PDE1A: variants seen among roughly 807,000 people sequenced by gnomAD.
PDE1A encodes the protein dual specificity calcium/calmodulin-dependent 3',5'-cyclic nucleotide phosphodiesterase 1A.
A neutral mutation model predicts 61.7 loss-of-function variants in PDE1A; 35 were observed. The ratio of observed to expected loss-of-function variants is 0.57; its 90% CI spans 0.43 to 0.75. The LOEUF is 0.75. Among genes scored for constraint, PDE1A ranks in the 30% least tolerant of loss-of-function variants. The probability of loss-of-function intolerance (pLI) is 0.00; values close to 1 mark genes in which losing one functional copy is unlikely to be tolerated. For missense variants in PDE1A, 597 were observed against 630.6 expected (o/e 0.95, Z 0.57); for synonymous variants, 232 against 213.2 (o/e 1.09, Z -0.77).
chr2:182,468,032 C>T (rs902276131), intron 2 of PDE1A, among the ~76,000 whole-genome samples: 2 of 151,982 alleles, frequency 1.3e-5, no homozygotes, highest in Admixed American at 1.3e-4. Context: ...TCTGAGTCTT[C>T]AGAATCATAC....
chr2:182,565,118 G>A, the PDE1A span, among the ~76,000 whole-genome samples: 1 of 152,198 alleles, frequency 6.6e-6, no homozygotes, highest in Admixed American at 6.5e-5. Flanking sequence ...CTTTGGAGGA[G>A]GAGAGGCGCT....
chr2:182,468,843 T>C (rs1374285604), intron 2 of PDE1A, among the ~76,000 whole-genome samples: 1 of 152,016 alleles, frequency 6.6e-6, no homozygotes, highest in Non-Finnish European at 1.5e-5. Flanking sequence ...ATTAATCTCC[T>C]TTTACATCAC....
intron 2 of PDE1A, among the ~76,000 whole-genome samples, chr2:182,495,112 T>C (rs114823560): frequency 6.9e-4 from 105 of 152,282 alleles, no homozygotes; most frequent in African/African-American, 2.4e-3. Flanking sequence ...CTTTCTAAGG[T>C]GCACGTGGCC....
chr2:182,150,668 T>A (rs1162805957), intron 13 of PDE1A, among the ~76,000 whole-genome samples: 1 of 152,174 alleles, frequency 6.6e-6, no homozygotes, highest in Non-Finnish European at 1.5e-5. Context: ...TGATAGAAAT[T>A]TTATGGGTTT....
At chr2:182,692,692 A>G in the PDE1A span, among the ~76,000 whole-genome samples, 1 of 148,190 alleles carries the variant, frequency 6.7e-6, no homozygotes. Context: ...TATATAAAAT[A>G]TATATATGTA....
chr2:182,610,207 C>T, the PDE1A span, among the ~76,000 whole-genome samples: 1 of 152,120 alleles, frequency 6.6e-6, no homozygotes, highest in African/African-American at 2.4e-5. Flanking sequence ...TTTGTCCAAT[C>T]CTATTTCTAT....
chr2:182,265,032 C>A (rs1692529647), intron 1 of PDE1A, among the ~76,000 whole-genome samples: 1 of 151,494 alleles, frequency 6.6e-6, no homozygotes, highest in Non-Finnish European at 1.5e-5. Context: ...AGTATGTTCT[C>A]ACTTATAAGT....
At chr2:182,489,779 A>G (rs1216816919) in intron 2 of PDE1A, among the ~76,000 whole-genome samples, 1 of 151,058 alleles carries the variant, frequency 6.6e-6, no homozygotes, top group East Asian at 1.9e-4. Flanking sequence ...GGAAATGTTC[A>G]GTCTGAGCAA....
At chr2:182,550,899 G>A in the PDE1A span, among the ~76,000 whole-genome samples, 1,859 of 152,204 alleles carry the variant, frequency 0.012, 41 homozygotes, top group African/African-American at 0.043. Context: ...AAAATTGTAT[G>A]TAAGTTCTGT....
the PDE1A span, among the ~76,000 whole-genome samples, chr2:182,575,767 A>G: frequency 6.8e-6 from 1 of 146,222 alleles, no homozygotes; most frequent in South Asian, 2.1e-4. Context: ...TTAATAATAT[A>G]TTATATATTA....
At chr2:182,479,329 T>G (rs191902469) in intron 2 of PDE1A, among the ~76,000 whole-genome samples, 1 of 152,006 alleles carries the variant, frequency 6.6e-6, no homozygotes. Flanking sequence ...AAAAGATAGT[T>G]ATGTTGACAG....
the PDE1A span, among the ~76,000 whole-genome samples, chr2:182,603,942 T>C: frequency 2.0e-5 from 3 of 152,136 alleles, no homozygotes; most frequent in Admixed American, 6.5e-5. Context: ...AACCTACTAA[T>C]ACTTCATTGG....
At chr2:182,712,475 A>G in the PDE1A span, among the ~76,000 whole-genome samples, 1 of 152,250 alleles carries the variant, frequency 6.6e-6, no homozygotes, top group African/African-American at 2.4e-5. Flanking sequence ...CAAGAAGTTA[A>G]CAACTTACTC....
intron 1 of PDE1A, among the ~76,000 whole-genome samples, chr2:182,396,776 CT>C (rs1233133312): frequency 2.6e-5 from 4 of 152,032 alleles, no homozygotes; most frequent in African/African-American, 9.7e-5. Context: ...TTATTATTGT[CT>C]TTATTTGAAG....
chr2:182,481,241 T>C (rs112632903), intron 2 of PDE1A, among the ~76,000 whole-genome samples: 2 of 151,794 alleles, frequency 1.3e-5, no homozygotes, highest in Admixed American at 1.3e-4. Context: ...CTAGGGACAA[T>C]TGTAAAAAAG....
At chr2:182,616,272 A>G in the PDE1A span, among the ~76,000 whole-genome samples, 2,927 of 152,296 alleles carry the variant, frequency 0.019, 52 homozygotes, top group Non-Finnish European at 0.03. Flanking sequence ...ATAGTCTTAC[A>G]ACAAGTTATG....
At chr2:182,716,546 G>A in the PDE1A span, 1 of 152,600 alleles carries the variant, frequency 6.6e-6, no homozygotes, top group East Asian at 1.9e-4. Flanking sequence ...CCTCCGGTCA[G>A]GGAGGGGCGG....
chr2:182,297,691 C>T (rs1559309265), intron 1 of PDE1A, among the ~76,000 whole-genome samples: 1 of 152,220 alleles, frequency 6.6e-6, no homozygotes, highest in African/African-American at 2.4e-5. Context: ...CTACTTCCAA[C>T]ATCCAGCAGC....
At chr2:182,343,456 A>T (rs574793129) in intron 1 of PDE1A, among the ~76,000 whole-genome samples, 2 of 152,198 alleles carry the variant, frequency 1.3e-5, no homozygotes, top group South Asian at 2.1e-4. Flanking sequence ...TAACTAGGTG[A>T]TCTTTGAATT....
Sources: allele counts gnomAD v4.1 joint callset (sites outside exome capture counted in the v4.1 genomes callset), GRCh38; gene constraint gnomAD v4.1.1; transcripts MANE v1.5; gene names NCBI Gene and HGNC (gene_info 2026-07-23, HGNC 2026-07-21).